The following GTF2E2 variants were observed in gnomAD, a reference collection of about 807,000 sequenced individuals.
GTF2E2 encodes transcription initiation factor IIE subunit beta.
GTF2E2 carries 21 observed loss-of-function variants against 40.5 expected under a neutral mutation model. That is an observed-to-expected ratio of 0.52 (90% confidence interval 0.37 to 0.75). The LOEUF (loss-of-function observed/expected upper bound fraction) is 0.75. GTF2E2 is among the 30% of genes least tolerant of loss of function. The pLI is 0.00. For missense variants in GTF2E2, 298 were observed against 338.4 expected, an observed-to-expected ratio of 0.88 and a Z score of 0.94; for synonymous variants, 117 against 121.6, an observed-to-expected ratio of 0.96 and a Z score of 0.25.
At chr8:30,638,267 T>C (rs1391339677) in intron 2 of GTF2E2, among the ~76,000 whole-genome samples, 1 of 152,206 alleles carries the variant, frequency 6.6e-6, no homozygotes, top group Non-Finnish European at 1.5e-5. Flanking sequence ...GTTTGTTTCC[T>C]AGGTTACTAC....
At chr8:30,638,651 T>C (rs374409196) in intron 2 of GTF2E2, 1 of 152,660 alleles carries the variant, frequency 6.6e-6, no homozygotes, top group Non-Finnish European at 1.5e-5. Flanking sequence ...TAGGTTTATA[T>C]GATCTTTTTT....
At chr8:30,648,317 T>C (rs917400180) in intron 2 of GTF2E2, among the ~76,000 whole-genome samples, 2 of 152,154 alleles carry the variant, frequency 1.3e-5, no homozygotes, top group Non-Finnish European at 2.9e-5. Flanking sequence ...ATGGACTTTA[T>C]CTGAAAAACA....
chr8:30,582,514 CTGAAACTTCACAAGTTTGAAG>C (rs1189694725), intron 6 of GTF2E2, among the ~76,000 whole-genome samples: 2 of 152,162 alleles, frequency 1.3e-5, no homozygotes, highest in Non-Finnish European at 2.9e-5. Flanking sequence ...ACAGGCCTTA[CTGAAACTTCACAAGTTTGAAG>C]TGAAACTTCA....
At chr8:30,617,276 A>C (rs1800949187) in intron 3 of GTF2E2, among the ~76,000 whole-genome samples, 1 of 152,258 alleles carries the variant, frequency 6.6e-6, no homozygotes, top group East Asian at 1.9e-4. Context: ...ACACAAAAGA[A>C]CCATTCATTG....
intron 3 of GTF2E2, among the ~76,000 whole-genome samples, chr8:30,624,975 C>CT (rs58856516): frequency 0.79 from 119,972 of 150,918 alleles, 48,289 homozygotes; most frequent in African/African-American, 0.89. Context: ...TTGACTTCCT[C>CT]TTTCCTAAAT....
At chr8:30,622,748 T>C (rs1338227377) in intron 3 of GTF2E2, among the ~76,000 whole-genome samples, 1 of 152,020 alleles carries the variant, frequency 6.6e-6, no homozygotes, top group Non-Finnish European at 1.5e-5. Flanking sequence ...TCAGGGATGC[T>C]CCTTGCTGAG....
rs113392173 is a variant in GTF2E2, at chr8:30,604,493, T to C, written c.643+2564A>G. Among the ~76,000 whole-genome samples, 1,295 of 152,344 alleles carry C rather than the reference T, an allele frequency of 8.5e-3. 22 individuals are homozygous for C. Among genetic ancestry groups the C allele is most frequent in the African/African-American group, 0.029 (1,202 of 41,582 alleles). ...GTAAAGACATTTGCTTCAGCATTGTTAACTATTTTAAAACTCATTAATCAG... is the reference window on the plus strand; with the variant it reads ...GTAAAGACATTTGCTTCAGCATTGTCAACTATTTTAAAACTCATTAATCAG... On this transcript the variant is annotated intron_variant, in intron 6 of 7. Transcript: ENST00000355904.
At chr8:30,620,816 C>T (rs1312237770) in intron 3 of GTF2E2, among the ~76,000 whole-genome samples, 1 of 151,658 alleles carries the variant, frequency 6.6e-6, no homozygotes, top group Non-Finnish European at 1.5e-5. Context: ...ATAATTCCAG[C>T]TGCTGAAGAG....
chr8:30,620,039 T>C (rs1801041052), intron 3 of GTF2E2, among the ~76,000 whole-genome samples: 1 of 151,976 alleles, frequency 6.6e-6, no homozygotes, highest in Non-Finnish European at 1.5e-5. Flanking sequence ...AGGTGGCCTG[T>C]AGAAACTGAC....
chr8:30,614,339 G>C (rs781181967), intron 4 of GTF2E2, among the ~76,000 whole-genome samples: 5 of 152,140 alleles, frequency 3.3e-5, no homozygotes, highest in Admixed American at 6.5e-5. Flanking sequence ...CAGCACTCTG[G>C]GAGGCCGAGG....
chr8:30,646,978 T>C (rs1225161433), intron 2 of GTF2E2, among the ~76,000 whole-genome samples: 1 of 2,608 alleles, frequency 3.8e-4, no homozygotes. Flanking sequence ...AGACTCCGTC[T>C]CAAAAAAAAA....
chr8:30,655,056 C>G (rs920422397), intron 1 of GTF2E2, among the ~76,000 whole-genome samples: 2 of 152,044 alleles, frequency 1.3e-5, no homozygotes, highest in Non-Finnish European at 2.9e-5. Flanking sequence ...ACGAAATTAG[C>G]CAGTCATAGT....
In GTF2E2 at chr8:30,657,329, C is replaced by A. The variant is rs866049082; in HGVS notation, c.-5+644G>T. On this transcript the variant is annotated intron_variant, in intron 1 of 7. Coordinates refer to ENST00000355904, the MANE Select transcript of GTF2E2 (RefSeq NM_002095.6). Reference sequence around the variant, plus strand: ...AGACACGGAAAACCCAAAAATTAAACTGAAATCTGCCTCCAAGCCCACGAT... The same window carrying A: ...AGACACGGAAAACCCAAAAATTAAAATGAAATCTGCCTCCAAGCCCACGAT... Among the ~76,000 whole-genome samples the A allele has an allele frequency of 1.6e-4, 24 of 152,278 alleles. No homozygotes were observed. The Middle Eastern group carries it at 0.017, about 108-fold the overall frequency.
intron 7 of GTF2E2, 140 bp downstream of exon 7, chr8:30,580,141 T>C (rs1309559589): frequency 1.6e-6 from 1 of 621,650 alleles, no homozygotes; most frequent in East Asian, 2.7e-5. Flanking sequence ...AGGCCTGCAA[T>C]ACCTCAGATG....
chr8:30,599,962 A>T (rs996354530), intron 6 of GTF2E2, among the ~76,000 whole-genome samples: 4 of 152,200 alleles, frequency 2.6e-5, no homozygotes, highest in African/African-American at 7.2e-5. Context: ...CAGCCTGGTG[A>T]CAAAGCGAGA....
At chr8:30,579,994 G>C (rs910682948) in intron 7 of GTF2E2, among the ~76,000 whole-genome samples, 3 of 152,218 alleles carry the variant, frequency 2.0e-5, no homozygotes, top group Non-Finnish European at 4.4e-5. Flanking sequence ...GCTTGTAGCA[G>C]CTTAGAGTGG....
chr8:30,604,550 A>G (rs566467032), intron 6 of GTF2E2, among the ~76,000 whole-genome samples: 1 of 152,340 alleles, frequency 6.6e-6, no homozygotes, highest in Admixed American at 6.5e-5. Flanking sequence ...CCAGCCATAC[A>G]TCGTTATGGA....
In GTF2E2 at chr8:30,579,289, G is replaced by A. The variant is rs575104873; in HGVS notation, c.760-252C>T. ...CAAAAACCTGCCAAAATGGTTCTAG[G>A]CACTAAGTCAAACAAAAGGGACGAT... is the stretch of plus-strand genomic sequence containing the variant. On this transcript the variant is annotated intron_variant, in intron 7 of 7. Transcript: ENST00000355904. Among the ~76,000 whole-genome samples, 3 of 152,270 alleles carry A rather than the reference G, an allele frequency of 2.0e-5. No homozygotes were observed. In the East Asian group the frequency reaches 5.8e-4, roughly 29 times the overall value.
intron 6 of GTF2E2, among the ~76,000 whole-genome samples, chr8:30,601,079 T>C (rs1829166513): frequency 6.6e-6 from 1 of 152,232 alleles, no homozygotes; most frequent in Non-Finnish European, 1.5e-5. Context: ...TTGTTACTGA[T>C]TTACGTAATA....
Sources: allele counts gnomAD v4.1 joint callset (sites outside exome capture counted in the v4.1 genomes callset), GRCh38; gene constraint gnomAD v4.1.1; transcripts MANE v1.5; gene names NCBI Gene and HGNC (gene_info 2026-07-23, HGNC 2026-07-21).